MROH1: variants seen among roughly 807,000 people sequenced by gnomAD.
MROH1 encodes maestro heat-like repeat-containing protein family member 1.
Under a neutral mutation model 116.5 loss-of-function variants are expected in MROH1, and 117 were observed. The ratio of observed to expected loss-of-function variants is 1.00; its 90% CI spans 0.86 to 1.17. MROH1 has a LOEUF of 1.17. Among genes scored for constraint, MROH1 ranks in the 50% most tolerant of loss-of-function variants. The pLI is 0.00. For synonymous variants in MROH1, 921 were observed against 583.9 expected, an observed-to-expected ratio of 1.58 and a Z score of -8.32; for missense variants, 1,873 against 1,338.5, an observed-to-expected ratio of 1.40 and a Z score of -6.23.
chr8:144,190,744 C>T (rs13267392), intron 7 of MROH1, 40 bp from the exon 8 acceptor site: 391,716 of 1,601,022 alleles, frequency 0.24, 53,500 homozygotes, highest in Non-Finnish European at 0.29. Context: ...TCGTCACAAA[C>T]CCATGGCCTG....
chr8:144,246,608 C>T (rs1362807985), intron 29 of MROH1, among the ~76,000 whole-genome samples: 1 of 152,190 alleles, frequency 6.6e-6, no homozygotes, highest in African/African-American at 2.4e-5. Flanking sequence ...CTCTAACATT[C>T]CAGCCTTTCC....
chr8:144,165,084 A>T (rs1820469801), intron 3 of MROH1, among the ~76,000 whole-genome samples: 1 of 151,144 alleles, frequency 6.6e-6, no homozygotes, highest in South Asian at 2.1e-4. Flanking sequence ...TCAGCCTCCC[A>T]AGTAGCTGAG....
intron 8 of MROH1, 131 bp downstream of exon 8, chr8:144,191,066 G>A: frequency 3.0e-6 from 3 of 993,450 alleles, no homozygotes; most frequent in African/African-American, 1.6e-5. Flanking sequence ...ATGGGAGGTG[G>A]CTCACCTTTA....
chr8:144,163,775 G>T lies in MROH1; in HGVS notation c.-52G>T, dbSNP rs1205243131. The T allele has an allele frequency of 1.5e-5, 24 of 1,607,144 alleles. No homozygotes were observed. In the South Asian group the frequency reaches 2.2e-4, roughly 15 times the overall value. On this transcript the variant is annotated 5_prime_UTR_variant, in exon 3 of 44. Coordinates refer to ENST00000326134, the MANE Select transcript of MROH1 (RefSeq NM_032450.3). This position sits in a 1 kb window ranked among gnomAD's most constrained non-coding sequence, Gnocchi z 4.4. ...TTGTGATTTTGGTTATTCCAGATGGGAGAAGAAGTTGTCCATGTTCACACT... is the reference window on the plus strand; with the variant it reads ...TTGTGATTTTGGTTATTCCAGATGGTAGAAGAAGTTGTCCATGTTCACACT...
At position 144,260,194 on chromosome 8, in the gene MROH1, C is replaced by T. The variant is rs1194156988; in HGVS notation, c.4200C>T (p.Thr1400=). 1.3e-6 allele frequency: 1 copy of T among 764,896 alleles called. No homozygotes were observed. The highest frequency in any genetic ancestry group is 2.4e-5 in the East Asian group (1 of 41,248). The allele number at this position is 764,896 out of a possible 1,614,324, so 47.4% of individuals were successfully genotyped here. Residue 1400 remains threonine (T), a synonymous_variant, in exon 39 of 44, where the codon ACC becomes ACT. Coordinates refer to ENST00000326134, the MANE Select transcript of MROH1 (RefSeq NM_032450.3). The stretch of plus-strand genomic sequence containing the variant: ...GTGTAAGGTATCCTCAGGTGCGAAC[C>T]CACGGCCCCCAGCTCCTCACAGCCA... ...LASGCPDKVR[T]HGPQLLTAMI...
chr8:144,246,079 T>C (rs1265497962), intron 29 of MROH1, among the ~76,000 whole-genome samples: 1 of 126,230 alleles, frequency 7.9e-6, no homozygotes, highest in Non-Finnish European at 1.6e-5. Context: ...TTCCTTTCCT[T>C]CCTTTCCTTC....
chr8:144,215,123 C>T (rs1278971520), intron 12 of MROH1, among the ~76,000 whole-genome samples: 1 of 152,232 alleles, frequency 6.6e-6, no homozygotes, highest in Non-Finnish European at 1.5e-5. Context: ...GACACCCTCA[C>T]AGACACATCC....
At position 144,259,999 on chromosome 8, in the gene MROH1, G is replaced by A. The variant is rs1354949447; in HGVS notation, c.4133G>A (p.Ser1378Asn). The A allele has an allele frequency of 5.5e-6, 4 of 732,310 alleles. No homozygotes were observed. The highest frequency in any genetic ancestry group is 5.2e-5 in the East Asian group (2 of 38,470). The allele number at this position is 732,310 out of a possible 1,614,324, so 45.4% of individuals were successfully genotyped here. Residue 1378 changes from serine (S) to asparagine (N), a missense_variant, in exon 38 of 44, where the codon AGC (serine) becomes AAC (asparagine). By Grantham distance (46) the Ser-to-Asn change is conservative. Coordinates refer to ENST00000326134, the MANE Select transcript of MROH1 (RefSeq NM_032450.3). The stretch of plus-strand genomic sequence containing the variant: ...GCTCGCCAGAAGGACACATGCGCCA[G>A]CGTGCGGAGGCTGGTGCTCCGCGGC... ...LAARQKDTCA[S>N]VRRLVLRGLA...
intron 14 of MROH1, among the ~76,000 whole-genome samples, chr8:144,226,268 A>G (rs1045868749): frequency 2.6e-5 from 4 of 151,926 alleles, no homozygotes; most frequent in Non-Finnish European, 4.4e-5. Context: ...GTTTTTTTGC[A>G]TGTGAATGTC....
intron 4 of MROH1, among the ~76,000 whole-genome samples, chr8:144,168,723 G>T (rs188727456): frequency 2.0e-5 from 3 of 152,184 alleles, no homozygotes; most frequent in Non-Finnish European, 4.4e-5. Context: ...CCTAATGGCC[G>T]GGCTGTGTGC....
intron 39 of MROH1, 149 bp downstream of exon 39, chr8:144,260,523 C>G: frequency 1.4e-6 from 1 of 727,786 alleles, no homozygotes; most frequent in Non-Finnish European, 2.5e-6. Flanking sequence ...TGCTGCTTTG[C>G]TGGGCCTGGC....
intron 12 of MROH1, among the ~76,000 whole-genome samples, chr8:144,219,821 T>C (rs1368999679): frequency 6.6e-6 from 1 of 152,224 alleles, no homozygotes; most frequent in Non-Finnish European, 1.5e-5. Flanking sequence ...TGTGCCTGCA[T>C]TGAGGAGCCA....
chr8:144,174,628 C>T lies in MROH1; in HGVS notation c.169-4827C>T, dbSNP rs558994429. ...CCTCCGAAGTAGCTGGGACCACAGGCGCACCACCACACCTGGCTAATTGTT... is the reference window on the plus strand; with the variant it reads ...CCTCCGAAGTAGCTGGGACCACAGGTGCACCACCACACCTGGCTAATTGTT... On this transcript the variant is annotated intron_variant, in intron 4 of 43. Transcript: ENST00000326134. 1.6e-4 allele frequency among the ~76,000 whole-genome samples: 24 copies of T among 152,058 alleles called. No homozygotes were observed. The South Asian group carries it at 2.7e-3, about 17-fold the overall frequency.
At chr8:144,240,960 A>G (rs920180837) in intron 20 of MROH1, 32 bp from the exon 21 acceptor site, 140 of 725,078 alleles carry the variant, frequency 1.9e-4, no homozygotes, top group Non-Finnish European at 3.1e-4. Flanking sequence ...CTCAGGAGTC[A>G]GGCAGAGCCG....
At chr8:144,234,891 C>CTTTTTTTT (rs781998549) in intron 14 of MROH1, among the ~76,000 whole-genome samples, 8 of 103,564 alleles carry the variant, frequency 7.7e-5, no homozygotes, top group African/African-American at 1.2e-4. Flanking sequence ...CTTTTTCTTT[C>CTTTTTTTT]TTTTTTTTTT....
At chr8:144,235,258 A>C (rs942718344) in intron 14 of MROH1, among the ~76,000 whole-genome samples, 11 of 152,306 alleles carry the variant, frequency 7.2e-5, no homozygotes, top group Admixed American at 7.2e-4. Context: ...TTATTTTAAT[A>C]GTTTTTATTG....
chr8:144,154,906 C>T lies in MROH1; in HGVS notation c.-176-6064C>T, dbSNP rs1032013566. Among the ~76,000 whole-genome samples, 12 of 152,246 alleles carry T rather than the reference C, an allele frequency of 7.9e-5. No homozygotes were observed. In the East Asian group the frequency reaches 2.3e-3, roughly 29 times the overall value. ...CAATCTCAGCTCACTGCAACCTCTG[C>T]CTCCTGGGTTCAAGCAATTCTCTGC... On this transcript the variant is annotated intron_variant, in intron 1 of 43. Coordinates refer to ENST00000326134, the MANE Select transcript of MROH1 (RefSeq NM_032450.3).
intron 13 of MROH1, among the ~76,000 whole-genome samples, chr8:144,221,252 G>A (rs756534096): frequency 3.3e-5 from 5 of 152,192 alleles, no homozygotes; most frequent in South Asian, 2.1e-4. Context: ...CTGATGCCAC[G>A]TGGCCCGTAG....
intron 4 of MROH1, chr8:144,174,747 T>C: frequency 3.8e-6 from 3 of 795,372 alleles, no homozygotes; most frequent in Non-Finnish European, 4.6e-6. Context: ...CCTCCCAAAG[T>C]GCTGGGGTTA....
Sources: gnomAD v4.1 joint callset for allele counts (sites outside exome capture counted in the v4.1 genomes callset) on GRCh38, gnomAD v4.1.1 for gene constraint, Gnocchi (gnomAD v3.1) non-coding constraint, MANE v1.5 for transcripts, NCBI Gene and HGNC (gene_info 2026-07-23, HGNC 2026-07-21) for gene names.